The following SERP2 variants were observed in gnomAD, a reference collection of about 807,000 sequenced individuals.
The protein encoded by SERP2 is stress associated endoplasmic reticulum protein family member 2.
SERP2 carries 6 observed loss-of-function variants against 9.1 expected under a neutral mutation model. The observed-to-expected ratio is 0.66, with a 90% CI of 0.36 to 1.30. SERP2 has a LOEUF of 1.30. Among genes scored for constraint, SERP2 ranks in the 50% most tolerant of loss-of-function variants. SERP2 has a pLI of 0.03. For synonymous variants in SERP2, 37 were observed against 27.3 expected (o/e 1.35, Z -1.10); for missense variants, 58 against 81.9 (o/e 0.71, Z 1.13).
At chr13:44,386,923 CT>C (rs1350914309) in intron 2 of SERP2, among the ~76,000 whole-genome samples, 1 of 152,102 alleles carries the variant, frequency 6.6e-6, no homozygotes, top group Non-Finnish European at 1.5e-5. Flanking sequence ...AGACTTTGCC[CT>C]TTTTTTCTCT....
At chr13:44,383,551 T>TTC (rs1566091642) in intron 2 of SERP2, among the ~76,000 whole-genome samples, 9 of 142,384 alleles carry the variant, frequency 6.3e-5, no homozygotes, top group African/African-American at 2.1e-4. Context: ...TGCGTTTTTT[T>TTC]TGTTTTTTTT....
intron 2 of SERP2, among the ~76,000 whole-genome samples, chr13:44,385,090 A>G (rs563942463): frequency 2.0e-5 from 3 of 152,316 alleles, no homozygotes; most frequent in African/African-American, 4.8e-5. Flanking sequence ...GTGCTCACTT[A>G]TTGGTCACCC....
chr13:44,390,241 A>G (rs1295434950), intron 2 of SERP2: 1 of 315,726 alleles, frequency 3.2e-6, no homozygotes, highest in Admixed American at 4.0e-5. Flanking sequence ...TCTTGCTCCC[A>G]GATGGAGAAA....
intron 1 of SERP2, among the ~76,000 whole-genome samples, chr13:44,375,701 C>G (rs1488029256): frequency 6.6e-6 from 1 of 152,116 alleles, no homozygotes; most frequent in Non-Finnish European, 1.5e-5. Context: ...AACCGGAGTT[C>G]AGTTGTCAGA....
At chr13:44,383,667 C>A (rs895555018) in intron 2 of SERP2, among the ~76,000 whole-genome samples, 2 of 151,274 alleles carry the variant, frequency 1.3e-5, no homozygotes, top group African/African-American at 4.9e-5. Context: ...CCTGCCTCAG[C>A]CTCCTGAGTA....
chr13:44,378,151 C>T (rs1871767577), intron 1 of SERP2, among the ~76,000 whole-genome samples: 1 of 152,142 alleles, frequency 6.6e-6, no homozygotes, highest in South Asian at 2.1e-4. Context: ...AGATGAGAAG[C>T]CAGTTTACAT....
intron 2 of SERP2, among the ~76,000 whole-genome samples, chr13:44,382,538 A>G (rs571284862): frequency 6.6e-6 from 1 of 152,254 alleles, no homozygotes; most frequent in African/African-American, 2.4e-5. Flanking sequence ...CAAAAAAGTT[A>G]GCTATGTTTT....
At chr13:44,377,045 T>C (rs1871698808) in intron 1 of SERP2, among the ~76,000 whole-genome samples, 1 of 152,192 alleles carries the variant, frequency 6.6e-6, no homozygotes, top group African/African-American at 2.4e-5. Flanking sequence ...CCCAATGGGA[T>C]TGTGCTGGGC....
intron 2 of SERP2, among the ~76,000 whole-genome samples, chr13:44,394,216 C>A (rs889364666): frequency 6.6e-6 from 1 of 152,182 alleles, no homozygotes; most frequent in African/African-American, 2.4e-5. Flanking sequence ...CGGCTCACTG[C>A]AACCTCCACC....
chr13:44,395,797 C>T (rs1873067109), intron 2 of SERP2: 1 of 456,932 alleles, frequency 2.2e-6, no homozygotes, highest in Non-Finnish European at 4.4e-6. Context: ...CTGTTTTCAG[C>T]TTAGTCTACG....
intron 1 of SERP2, among the ~76,000 whole-genome samples, chr13:44,378,323 T>C (rs555850740): frequency 1.1e-3 from 168 of 152,356 alleles, no homozygotes; most frequent in Non-Finnish European, 2.0e-3. Flanking sequence ...CTAAAACTTG[T>C]TCAACATTTC....
intron 2 of SERP2, among the ~76,000 whole-genome samples, chr13:44,396,773 TACTC>T (rs1178511578): frequency 6.6e-6 from 1 of 152,174 alleles, no homozygotes; most frequent in Admixed American, 6.5e-5. Flanking sequence ...AGCTGGAAGA[TACTC>T]ACGCATGGAG....
At chr13:44,375,656 T>A (rs1187437022) in intron 1 of SERP2, among the ~76,000 whole-genome samples, 1 of 152,108 alleles carries the variant, frequency 6.6e-6, no homozygotes, top group African/African-American at 2.4e-5. Flanking sequence ...CAGTGAAAAA[T>A]AACTAGTCAT....
Position 44,374,128 on chromosome 13 carries a change from C to G in SERP2, c.84+19C>G. 7.9e-7 allele frequency: 1 copy of G among 1,266,636 alleles called. No homozygotes were observed. The allele number at this position is 1,266,636 out of a possible 1,614,324, so 78.5% of individuals were successfully genotyped here. A position where few individuals can be genotyped will look rare whatever the true frequency, so the allele number is the denominator to read the frequency against. On this transcript the variant is annotated intron_variant, in intron 1 of 2. Transcript: ENST00000379179. ...AACCCTGGTAAGGCGGGGTCGGCGC[C>G]GGCCAGGCAGAGCCCTGCAGCCCGG...
intron 2 of SERP2, among the ~76,000 whole-genome samples, chr13:44,382,891 A>G (rs574923915): frequency 6.6e-6 from 1 of 152,360 alleles, no homozygotes; most frequent in South Asian, 2.1e-4. Context: ...GGGAAAGCGC[A>G]CTGCGATAGT....
At chr13:44,389,246 C>G (rs1038876642) in intron 2 of SERP2, among the ~76,000 whole-genome samples, 4 of 152,164 alleles carry the variant, frequency 2.6e-5, no homozygotes, top group Non-Finnish European at 5.9e-5. Flanking sequence ...CTAAGAGCTA[C>G]AACTTCAGGG....
At chr13:44,390,598 G>A (rs1872656116) in intron 2 of SERP2, 1 of 312,440 alleles carries the variant, frequency 3.2e-6, no homozygotes, top group Non-Finnish European at 6.5e-6. Flanking sequence ...AGCCTCCTTT[G>A]TGCCCTGGGG....
chr13:44,393,234 CAT>C (rs1297817993), intron 2 of SERP2, among the ~76,000 whole-genome samples: 1 of 152,128 alleles, frequency 6.6e-6, no homozygotes, highest in East Asian at 1.9e-4. Flanking sequence ...AGAAAGTGAG[CAT>C]AGACAGCTCT....
chr13:44,386,014 T>C (rs1872293557), intron 2 of SERP2, among the ~76,000 whole-genome samples: 1 of 152,150 alleles, frequency 6.6e-6, no homozygotes, highest in Non-Finnish European at 1.5e-5. Context: ...GGTCTCAATC[T>C]ATCAGCAAGC....
Sources: gnomAD v4.1 joint callset for allele counts (sites outside exome capture counted in the v4.1 genomes callset) on GRCh38, gnomAD v4.1.1 for gene constraint, MANE v1.5 for transcripts, NCBI Gene and HGNC (gene_info 2026-07-23, HGNC 2026-07-21) for gene names.